NOL10: variants seen among roughly 807,000 people sequenced by gnomAD.
NOL10 encodes the protein nucleolar protein 10.
Under a neutral mutation model 103.5 loss-of-function variants are expected in NOL10, and 58 were observed. The ratio of observed to expected loss-of-function variants is 0.56; its 90% CI spans 0.45 to 0.70. The LOEUF (loss-of-function observed/expected upper bound fraction) is 0.70. Ranked by LOEUF, NOL10 falls within the 30% of genes least tolerant of loss-of-function variation. The pLI, the probability that NOL10 is intolerant of heterozygous loss-of-function variation, is 0.00. For synonymous variants in NOL10, 287 were observed against 282.5 expected, an observed-to-expected ratio of 1.02 and a Z score of -0.16; for missense variants, 763 against 807.3, an observed-to-expected ratio of 0.95 and a Z score of 0.67.
intron 3 of NOL10, among the ~76,000 whole-genome samples, chr2:10,681,625 T>C (rs1360575278): frequency 1.3e-5 from 2 of 152,150 alleles, no homozygotes. Flanking sequence ...TATAAGTAAA[T>C]ACTGATAAAT....
rs116633794 is a variant in NOL10, at chr2:10,653,620, G to A, written c.973+861C>T. 1.5e-3 allele frequency among the ~76,000 whole-genome samples: 235 copies of A among 152,102 alleles called. 1 individual carries two copies. Among genetic ancestry groups the A allele is most frequent in the African/African-American group, 5.6e-3 (234 of 41,492 alleles). On this transcript the variant is annotated intron_variant, in intron 12 of 20. Coordinates refer to ENST00000381685, the MANE Select transcript of NOL10 (RefSeq NM_024894.4). The stretch of plus-strand genomic sequence containing the variant: ...TCTGCCTCCCACTTCAGCCTTCCCA[G>A]AGCCACCACAGCTCAGGCACAGGAC...
intron 13 of NOL10, among the ~76,000 whole-genome samples, chr2:10,612,069 G>A (rs1394910582): frequency 6.6e-6 from 1 of 152,120 alleles, no homozygotes; most frequent in East Asian, 1.9e-4. Context: ...GCTGCAGTGA[G>A]CTATGATGGT....
At chr2:10,657,448 C>T (rs1316429112) in intron 11 of NOL10, among the ~76,000 whole-genome samples, 3 of 152,054 alleles carry the variant, frequency 2.0e-5, no homozygotes, top group Non-Finnish European at 4.4e-5. Flanking sequence ...GGGGGTTTCT[C>T]GGGTCATAGA....
At chr2:10,657,006 T>C (rs1189021871) in intron 11 of NOL10, among the ~76,000 whole-genome samples, 1 of 152,034 alleles carries the variant, frequency 6.6e-6, no homozygotes, top group African/African-American at 2.4e-5. Context: ...AGAAGGACCA[T>C]CAAAATATTC....
At chr2:10,642,715 A>AC (rs1243056554) in intron 13 of NOL10, among the ~76,000 whole-genome samples, 1 of 151,298 alleles carries the variant, frequency 6.6e-6, no homozygotes, top group Non-Finnish European at 1.5e-5. Context: ...ACCTCACTCC[A>AC]CCCCACCCCT....
At chr2:10,599,842 A>G (rs983911947) in intron 17 of NOL10, among the ~76,000 whole-genome samples, 2 of 152,094 alleles carry the variant, frequency 1.3e-5, no homozygotes, top group African/African-American at 2.4e-5. Context: ...GAAGACGAGC[A>G]ATCGCCCAAG....
chr2:10,579,827 TGA>T (rs1674656821), intron 19 of NOL10, among the ~76,000 whole-genome samples: 1 of 152,142 alleles, frequency 6.6e-6, no homozygotes. Context: ...ATGGAACCAC[TGA>T]GAGAAGATGG....
chr2:10,589,027 AG>A lies in NOL10; in HGVS notation c.1844+15del. On this transcript the variant is annotated intron_variant, in intron 19 of 20. Transcript: ENST00000381685. ...TTGGTTACATGTCAACTGTGCGCTC[AG>A]GCAGTGCTACTCACTTCATCAGTTT... The A allele has an allele frequency of 6.2e-7, 1 of 1,612,584 alleles. No individual in the cohort carries two copies. Among genetic ancestry groups the A allele is most frequent in the Non-Finnish European group, 8.5e-7 (1 of 1,179,592 alleles).
At chr2:10,621,188 TA>T (rs558094206) in intron 13 of NOL10, among the ~76,000 whole-genome samples, 1 of 151,820 alleles carries the variant, frequency 6.6e-6, no homozygotes, top group Non-Finnish European at 1.5e-5. Context: ...GAGCTTTATT[TA>T]AAAAAAACCA....
At chr2:10,593,179 C>T (rs1212641471) in intron 17 of NOL10, among the ~76,000 whole-genome samples, 1 of 151,320 alleles carries the variant, frequency 6.6e-6, no homozygotes, top group Non-Finnish European at 1.5e-5. Flanking sequence ...TGCTCTGTCA[C>T]GCAGGCTGGA....
chr2:10,622,274 G>C (rs116504002), intron 13 of NOL10: 6,064 of 428,752 alleles, frequency 0.014, 339 homozygotes, highest in African/African-American at 0.12. Context: ...TGACCAAAAT[G>C]ATATTGTGAT....
intron 20 of NOL10, among the ~76,000 whole-genome samples, chr2:10,573,085 C>T (rs13011892): frequency 0.24 from 36,974 of 150,992 alleles, 6,327 homozygotes; most frequent in African/African-American, 0.45. Flanking sequence ...AATTTCTTAG[C>T]GGTGGAACTG....
At chr2:10,606,441 A>G (rs1414554074) in intron 14 of NOL10, among the ~76,000 whole-genome samples, 1 of 151,922 alleles carries the variant, frequency 6.6e-6, no homozygotes, top group Non-Finnish European at 1.5e-5. Flanking sequence ...CCCGGCCAAC[A>G]TGGTGAAACC....
chr2:10,618,070 T>G (rs1676928974), intron 13 of NOL10, among the ~76,000 whole-genome samples: 1 of 150,262 alleles, frequency 6.7e-6, no homozygotes. Flanking sequence ...TGAGATGGGG[T>G]CTCACTATGT....
rs1676311285 is a variant in NOL10, at chr2:10,607,279, G to A, written c.1059C>T (p.Phe353=). The part of the protein sequence containing the change: ...VLGPAPRWCS[F]LDNLTEELEE... ...CTAATTCTTCGGTCAAGTTGTCTAA[G>A]AAGGAACACCACCGAGGAGCAGGAC... Residue 353 remains phenylalanine, a synonymous_variant, in exon 14 of 21, where the codon TTC becomes TTT. Coordinates refer to ENST00000381685, the MANE Select transcript of NOL10 (RefSeq NM_024894.4). 1 of 1,608,882 alleles carries A rather than the reference G, an allele frequency of 6.2e-7. No individual in the cohort carries two copies. Among genetic ancestry groups the A allele is most frequent in the African/African-American group, 1.3e-5 (1 of 74,738 alleles).
intron 11 of NOL10, among the ~76,000 whole-genome samples, chr2:10,654,784 A>G (rs148507923): frequency 1.2e-4 from 19 of 152,228 alleles, no homozygotes; most frequent in Non-Finnish European, 1.5e-4. Context: ...CTGTCCAAAA[A>G]AAAGAAAAAT....
chr2:10,587,222 T>TATATATATACACAC (rs1675139156), intron 19 of NOL10, among the ~76,000 whole-genome samples: 1 of 58,602 alleles, frequency 1.7e-5, no homozygotes, highest in African/African-American at 1.1e-4. Context: ...TATATACATA[T>TATATATATACACAC]ATATACATAT....
intron 14 of NOL10, among the ~76,000 whole-genome samples, chr2:10,604,436 C>T (rs910427551): frequency 6.6e-5 from 10 of 152,046 alleles, no homozygotes; most frequent in South Asian, 2.1e-4. Flanking sequence ...ATTCTCATAA[C>T]GGAATTCTAA....
At chr2:10,609,121 T>C (rs1210666844) in intron 13 of NOL10, among the ~76,000 whole-genome samples, 1 of 151,696 alleles carries the variant, frequency 6.6e-6, no homozygotes, top group East Asian at 1.9e-4. Flanking sequence ...CTGACCACAA[T>C]CTCCCTGAAG....
Sources: allele counts gnomAD v4.1 joint callset (sites outside exome capture counted in the v4.1 genomes callset), GRCh38; gene constraint gnomAD v4.1.1; transcripts MANE v1.5; gene names NCBI Gene and HGNC (gene_info 2026-07-23, HGNC 2026-07-21).